Variants in HDAC9 observed in about 807,000 individuals in gnomAD.
HDAC9 encodes the protein histone deacetylase 9.
In HDAC9, 41 loss-of-function variants were observed where a neutral mutation model predicts 139.4. That is an observed-to-expected ratio of 0.29 (90% CI 0.23 to 0.38). HDAC9 has a LOEUF of 0.38. Ranked by LOEUF, HDAC9 falls within the 10% of genes least tolerant of loss-of-function variation. The pLI is 1.00. For missense variants in HDAC9, 1,147 were observed against 1,297.0 expected (o/e 0.88, Z 1.78); for synonymous variants, 517 against 476.2 (o/e 1.09, Z -1.12).
At chr7:18,364,735 T>C (rs1171488066) in intron 1 of HDAC9, among the ~76,000 whole-genome samples, 1 of 152,062 alleles carries the variant, frequency 6.6e-6, no homozygotes, top group Non-Finnish European at 1.5e-5. Context: ...ACAGATGAGA[T>C]TAAGACTAAA....
At chr7:18,290,565 G>A (rs1340563295) in intron 1 of HDAC9, 5 of 456,158 alleles carry the variant, frequency 1.1e-5, no homozygotes, top group African/African-American at 8.0e-5. Flanking sequence ...AAAGATAGTG[G>A]GGTAGATGTT....
At chr7:18,088,397 A>G (rs988778695) in intron 1 of HDAC9, among the ~76,000 whole-genome samples, 1 of 152,204 alleles carries the variant, frequency 6.6e-6, no homozygotes, top group Non-Finnish European at 1.5e-5. Flanking sequence ...TATTCAGAGC[A>G]CTGTCATGTT....
At chr7:18,158,880 T>C (rs1435989596) in intron 1 of HDAC9, among the ~76,000 whole-genome samples, 2 of 152,234 alleles carry the variant, frequency 1.3e-5, no homozygotes, top group African/African-American at 4.8e-5. Flanking sequence ...CTGCAGGATG[T>C]CACTGTCTTG....
intron 22 of HDAC9, among the ~76,000 whole-genome samples, chr7:18,875,212 G>C (rs966986745): frequency 6.6e-6 from 1 of 152,096 alleles, no homozygotes; most frequent in African/African-American, 2.4e-5. Context: ...ATGGAATCTG[G>C]CTAGAAAGAG....
intron 17 of HDAC9, among the ~76,000 whole-genome samples, chr7:18,816,509 T>C (rs1794571569): frequency 6.6e-6 from 1 of 152,182 alleles, no homozygotes; most frequent in South Asian, 2.1e-4. Flanking sequence ...TTTAACAGGA[T>C]ATTAACTGTA....
intron 2 of HDAC9, among the ~76,000 whole-genome samples, chr7:18,234,634 C>T (rs1793694173): frequency 1.3e-5 from 2 of 152,118 alleles, no homozygotes; most frequent in Non-Finnish European, 2.9e-5. Flanking sequence ...GGTGAGAAAC[C>T]AAGTCTGTGT....
intron 22 of HDAC9, among the ~76,000 whole-genome samples, chr7:18,887,015 A>G (rs1800214178): frequency 6.6e-6 from 1 of 152,240 alleles, no homozygotes; most frequent in Non-Finnish European, 1.5e-5. Flanking sequence ...GCCTGGTGCC[A>G]GCAGTGTTAA....
At chr7:18,705,533 C>A (rs1279248970) in intron 12 of HDAC9, among the ~76,000 whole-genome samples, 1 of 151,972 alleles carries the variant, frequency 6.6e-6, no homozygotes, top group Non-Finnish European at 1.5e-5. Flanking sequence ...TGTACCTATG[C>A]TTAGTAACTG....
In HDAC9 at chr7:18,150,010, T is replaced by C. The variant is rs537739303; in HGVS notation, c.-96-12219T>C. ...AAGTGCTCAGCCATAATCCCATTAC[T>C]AATTCTTGTTGGTTATTTGCATTCC... is the stretch of plus-strand genomic sequence containing the variant. On this transcript the variant is annotated intron_variant, in intron 1 of 12. Transcript: ENST00000417496. 3.3e-5 allele frequency among the ~76,000 whole-genome samples: 5 copies of C among 152,080 alleles called. No homozygotes were observed. The South Asian group carries it at 1.0e-3, about 32-fold the overall frequency.
intron 17 of HDAC9, among the ~76,000 whole-genome samples, chr7:18,812,812 G>A (rs533483908): frequency 6.6e-6 from 1 of 152,042 alleles, no homozygotes; most frequent in East Asian, 1.9e-4. Flanking sequence ...ATGGCCCACT[G>A]GACATTGAGG....
chr7:18,733,085 A>C (rs118006730), intron 13 of HDAC9, among the ~76,000 whole-genome samples: 1 of 145,654 alleles, frequency 6.9e-6, no homozygotes, highest in Non-Finnish European at 1.5e-5. Flanking sequence ...ATGTATACAC[A>C]TATATACATG....
chr7:18,686,956 C>G (rs1782318238), intron 12 of HDAC9, among the ~76,000 whole-genome samples: 2 of 151,552 alleles, frequency 1.3e-5, no homozygotes, highest in Admixed American at 1.3e-4. Context: ...AGCTTATAAC[C>G]TGATAAGAAG....
At chr7:18,506,065 T>C (rs1799687903) in intron 2 of HDAC9, 1 of 152,240 alleles carries the variant, frequency 6.6e-6, no homozygotes, top group Non-Finnish European at 1.5e-5. Flanking sequence ...TCTGTCATTT[T>C]TGGGTTATTT....
At chr7:18,092,412 T>TTTA (rs1554296489) in intron 1 of HDAC9, among the ~76,000 whole-genome samples, 23 of 117,494 alleles carry the variant, frequency 2.0e-4, no homozygotes, top group African/African-American at 6.7e-4. Context: ...TTTTTTTTTT[T>TTTA]AAAAAAAAGA....
intron 2 of HDAC9, among the ~76,000 whole-genome samples, chr7:18,214,282 G>A (rs920365094): frequency 2.0e-5 from 3 of 151,980 alleles, no homozygotes; most frequent in Non-Finnish European, 2.9e-5. Flanking sequence ...TTGTATTAAT[G>A]GTGTGTCTGG....
intron 16 of HDAC9, among the ~76,000 whole-genome samples, chr7:18,789,792 T>A (rs1792145602): frequency 6.6e-6 from 1 of 152,198 alleles, no homozygotes; most frequent in African/African-American, 2.4e-5. Context: ...TCTTATTCTA[T>A]GCAAGGAACC....
chr7:18,623,936 T>C (rs1287272517), intron 6 of HDAC9, among the ~76,000 whole-genome samples: 3 of 151,978 alleles, frequency 2.0e-5, no homozygotes, highest in Non-Finnish European at 4.4e-5. Flanking sequence ...AAGACTCCAT[T>C]GCAGGGGGGG....
At chr7:18,245,277 C>T (rs1028094655) in intron 2 of HDAC9, among the ~76,000 whole-genome samples, 3 of 152,170 alleles carry the variant, frequency 2.0e-5, no homozygotes, top group Admixed American at 6.5e-5. Flanking sequence ...CTTGTGGTAT[C>T]GTCACATCAG....
chr7:18,996,780 T>C lies in HDAC9; in HGVS notation c.*718T>C, dbSNP rs1484108283. On this transcript the variant is annotated 3_prime_UTR_variant, in exon 26 of 26. Transcript: ENST00000686413. ...TTTAAACATCCCCAACATCTTTGTGTTCTCACACACAGGCAATTTGCAATG... is the reference window on the plus strand; with the variant it reads ...TTTAAACATCCCCAACATCTTTGTGCTCTCACACACAGGCAATTTGCAATG... 6.6e-6 allele frequency: 1 copy of C among 152,166 alleles called. No individual in the cohort carries two copies. Among genetic ancestry groups the C allele is most frequent in the African/African-American group, 2.4e-5 (1 of 41,448 alleles). The allele number at this position is 152,166 out of a possible 1,614,324, so 9.4% of individuals were successfully genotyped here. A position where few individuals can be genotyped will look rare whatever the true frequency, so the allele number is the denominator to read the frequency against.
Sources: allele counts gnomAD v4.1 joint callset (sites outside exome capture counted in the v4.1 genomes callset), GRCh38; gene constraint gnomAD v4.1.1; transcripts MANE v1.5; gene names NCBI Gene and HGNC (gene_info 2026-07-23, HGNC 2026-07-21).